Variants in ERI1 observed in about 807,000 individuals in gnomAD.
ERI1 encodes the protein 3'-5' exoribonuclease 1.
A neutral mutation model predicts 39.7 loss-of-function variants in ERI1; 39 were observed. That is an observed-to-expected ratio of 0.98 (90% CI 0.76 to 1.28). The LOEUF (loss-of-function observed/expected upper bound fraction) is 1.28, where lower values mean the gene tolerates loss of function less well. ERI1 is among the 50% of genes most tolerant of loss of function. ERI1 has a pLI of 0.00. For missense variants in ERI1, 581 were observed against 416.9 expected, an observed-to-expected ratio of 1.39 and a Z score of -3.43; for synonymous variants, 204 against 149.6, an observed-to-expected ratio of 1.36 and a Z score of -2.65.
At chr8:9,093,520 AAAG>A (rs1222925187) in intron 3 of ERI1, among the ~76,000 whole-genome samples, 110 of 149,304 alleles carry the variant, frequency 7.4e-4, no homozygotes, top group Middle Eastern at 3.5e-3. Context: ...AAAAAAAAAA[AAAG>A]AAGAAGAAGA....
intron 3 of ERI1, among the ~76,000 whole-genome samples, chr8:9,098,895 G>A (rs1039559938): frequency 1.3e-5 from 2 of 152,148 alleles, no homozygotes; most frequent in Non-Finnish European, 2.9e-5. Context: ...GTGCAGTGGT[G>A]CAAGCTCGGC....
chr8:9,095,523 T>TTTA (rs1799850108), intron 3 of ERI1, among the ~76,000 whole-genome samples: 1 of 152,086 alleles, frequency 6.6e-6, no homozygotes. Flanking sequence ...TGTTTGTTTT[T>TTTA]GAGATGGGGT....
At chr8:9,071,157 T>C in intron 3 of ERI1, among the ~76,000 whole-genome samples, 1 of 152,244 alleles carries the variant, frequency 6.6e-6, no homozygotes. Flanking sequence ...TACAGCTGTC[T>C]AACGCGGGGC....
chr8:9,081,838 CA>C (rs1395622922), intron 3 of ERI1, among the ~76,000 whole-genome samples: 1 of 152,052 alleles, frequency 6.6e-6, no homozygotes, highest in African/African-American at 2.4e-5. Context: ...AGGGAACCCC[CA>C]CAACTCCCAT....
chr8:9,004,786 C>G (rs1317786966), intron 1 of ERI1, among the ~76,000 whole-genome samples: 1 of 147,312 alleles, frequency 6.8e-6, no homozygotes, highest in Non-Finnish European at 1.5e-5. Context: ...CTCCCGGATT[C>G]AAGTGATTCT....
In ERI1 at chr8:9,051,233, G is replaced by A. The variant is rs568812192; in HGVS notation, n.299+30769G>A. ...CAGTATGGTGGCTGAGAAGTCCACGGTTGAGGGACTGCATCTGGTGAGGGC... is the reference window on the plus strand; with the variant it reads ...CAGTATGGTGGCTGAGAAGTCCACGATTGAGGGACTGCATCTGGTGAGGGC... On this transcript the variant is annotated intron_variant and non_coding_transcript_variant, in intron 3 of 3. Coordinates refer to the ERI1 transcript ENST00000518663. Among the ~76,000 whole-genome samples the A allele has an allele frequency of 2.0e-5, 3 of 152,120 alleles. No individual in the cohort carries two copies. The South Asian group carries it at 6.2e-4, about 32-fold the overall frequency.
chr8:9,078,484 AC>A (rs1258662190), intron 3 of ERI1, among the ~76,000 whole-genome samples: 1 of 152,058 alleles, frequency 6.6e-6, no homozygotes. Context: ...TGGAATTCAA[AC>A]TCAAGTTTTT....
rs1423292215 is a variant in ERI1 at position 9,032,156 on chromosome 8, T to C, written c.*2122T>C. 1.3e-5 allele frequency: 2 copies of C among 152,224 alleles called. No individual in the cohort carries two copies. The highest frequency in any genetic ancestry group is 1.3e-4 in the Admixed American group (2 of 15,286). The allele number at this position is 152,224 out of a possible 1,614,324, so 9.4% of individuals were successfully genotyped here. A position where few individuals can be genotyped will look rare whatever the true frequency, so the allele number is the denominator to read the frequency against. On this transcript the variant is annotated 3_prime_UTR_variant, in exon 7 of 7. Transcript: ENST00000250263. ...TGATACTAAACATTGAGAGTACTGC[T>C]TTTTACTCTGACTTTTATTGTGTTG...
intron 3 of ERI1, among the ~76,000 whole-genome samples, chr8:9,012,240 C>T (rs188618886): frequency 9.2e-4 from 140 of 152,334 alleles, no homozygotes; most frequent in African/African-American, 3.1e-3. Flanking sequence ...TTGAACCTCT[C>T]TCTCTGGTGG....
chr8:9,007,853 A>G (rs1023253291), intron 1 of ERI1, 117 bp from the exon 2 acceptor site: 20 of 1,417,884 alleles, frequency 1.4e-5, no homozygotes, highest in Non-Finnish European at 1.9e-5. Context: ...TTTTCATTGA[A>G]CATGTAGCAT....
chr8:9,096,708 C>CTTTTTTTT (rs557869870), intron 3 of ERI1: 7 of 96,546 alleles, frequency 7.3e-5, no homozygotes, highest in Non-Finnish European at 9.3e-5. Flanking sequence ...CTATTGCCAT[C>CTTTTTTTT]TTTTTTTTTT....
At chr8:9,029,045 A>G (rs1260230880) in intron 6 of ERI1, among the ~76,000 whole-genome samples, 1 of 147,112 alleles carries the variant, frequency 6.8e-6, no homozygotes. Flanking sequence ...ATACCACACC[A>G]CATCGTCTTT....
chr8:9,015,131 C>G (rs1321022878), intron 3 of ERI1, among the ~76,000 whole-genome samples: 2 of 152,220 alleles, frequency 1.3e-5, no homozygotes, highest in African/African-American at 4.8e-5. Context: ...GTCACCACAT[C>G]TGGCCTCAGG....
At chr8:9,088,385 T>C (rs1394214229) in intron 3 of ERI1, 2 of 152,242 alleles carry the variant, frequency 1.3e-5, no homozygotes, top group African/African-American at 4.8e-5. Flanking sequence ...TCGCTGAAAT[T>C]GCATTTACGG....
rs1797544542 is a variant in ERI1 at position 9,030,937 on chromosome 8, T to C, written c.*903T>C. On this transcript the variant is annotated 3_prime_UTR_variant, in exon 7 of 7. Coordinates refer to ENST00000250263, the MANE Select transcript of ERI1 (RefSeq NM_153332.4). ...CGTTTTTGTTATTAAAAAACTTCAT[T>C]GGCCACTAGTGAAGTTAGTCAATAA... The C allele has an allele frequency of 6.6e-6, 1 of 152,194 alleles. No homozygotes were observed. Among genetic ancestry groups the C allele is most frequent in the Non-Finnish European group, 1.5e-5 (1 of 68,024 alleles). The allele number at this position is 152,194 out of a possible 1,614,324, so 9.4% of individuals were successfully genotyped here.
chr8:9,083,781 C>G (rs1460820450), intron 3 of ERI1, among the ~76,000 whole-genome samples: 2 of 151,998 alleles, frequency 1.3e-5, no homozygotes. Flanking sequence ...AAGCAAGACC[C>G]TGTCTCTATG....
intron 3 of ERI1, among the ~76,000 whole-genome samples, chr8:9,014,050 C>T (rs956347841): frequency 6.6e-6 from 1 of 152,220 alleles, no homozygotes; most frequent in Non-Finnish European, 1.5e-5. Flanking sequence ...TTTCACCCCT[C>T]TGCTCAAAAC....
chr8:9,099,010 T>G (rs1799967313), intron 3 of ERI1, among the ~76,000 whole-genome samples: 1 of 151,966 alleles, frequency 6.6e-6, no homozygotes, highest in Non-Finnish European at 1.5e-5. Context: ...AATTTTTGTA[T>G]TTTTAGTAGA....
chr8:9,078,231 C>T (rs770621820), intron 3 of ERI1, among the ~76,000 whole-genome samples: 1 of 152,190 alleles, frequency 6.6e-6, no homozygotes, highest in Admixed American at 6.5e-5. Context: ...CTCAAGCAAT[C>T]CACCCACTTT....
Sources: allele counts gnomAD v4.1 joint callset (sites outside exome capture counted in the v4.1 genomes callset), GRCh38; gene constraint gnomAD v4.1.1; transcripts MANE v1.5; gene names NCBI Gene and HGNC (gene_info 2026-07-23, HGNC 2026-07-21).